IQCJ: variants seen among roughly 807,000 people sequenced by gnomAD.
IQCJ encodes the protein IQ motif containing J.
Under a neutral mutation model 11.0 loss-of-function variants are expected in IQCJ, and 9 were observed. That is an observed-to-expected ratio of 0.82 (90% CI 0.49 to 1.43). The LOEUF (loss-of-function observed/expected upper bound fraction) is 1.43. Among genes scored for constraint, IQCJ ranks in the 40% most tolerant of loss-of-function variants. The probability of loss-of-function intolerance (pLI) is 0.00; values close to 1 mark genes in which losing one functional copy is unlikely to be tolerated. For synonymous variants in IQCJ, 55 were observed against 51.3 expected (o/e 1.07, Z -0.31); for missense variants, 146 against 133.2 (o/e 1.10, Z -0.47).
At position 159,146,339 on chromosome 3, in the gene IQCJ, G is replaced by A. The variant is rs150001365; in HGVS notation, c.9+76898G>A. The stretch of plus-strand genomic sequence containing the variant: ...TCCAAGTAAAAAAAAAGGAGGCAGT[G>A]TAAATACAACAGAATGGAAACCAAG... On this transcript the variant is annotated intron_variant, in intron 1 of 3. Coordinates refer to ENST00000397832, the MANE Select transcript of IQCJ (RefSeq NM_001042706.3). Among the ~76,000 whole-genome samples the A allele has an allele frequency of 5.4e-4, 82 of 152,280 alleles. No individual in the cohort carries two copies. In the East Asian group the frequency reaches 0.016, roughly 29 times the overall value.
intron 1 of IQCJ, among the ~76,000 whole-genome samples, chr3:159,103,940 G>A (rs190068399): frequency 6.6e-6 from 1 of 152,358 alleles, no homozygotes; most frequent in East Asian, 1.9e-4. Flanking sequence ...ACACCTATGT[G>A]GATTTCTTTG....
chr3:159,119,387 G>A (rs555713712), intron 1 of IQCJ, among the ~76,000 whole-genome samples: 16 of 152,200 alleles, frequency 1.1e-4, no homozygotes, highest in African/African-American at 3.4e-4. Flanking sequence ...CTGAACATGC[G>A]GCAGACTACC....
downstream of IQCJ, chr3:159,265,258 G>A: frequency 1.2e-6 from 2 of 1,613,802 alleles, no homozygotes; most frequent in East Asian, 4.5e-5. Context: ...TACATCTCTT[G>A]GAGGTTGCAG....
chr3:159,080,379 A>G (rs542998425), intron 1 of IQCJ, among the ~76,000 whole-genome samples: 5 of 152,138 alleles, frequency 3.3e-5, no homozygotes, highest in African/African-American at 7.2e-5. Context: ...CATCACATCA[A>G]TTTTCTCTAT....
chr3:159,090,513 G>A (rs1483734013), intron 1 of IQCJ, among the ~76,000 whole-genome samples: 1 of 151,800 alleles, frequency 6.6e-6, no homozygotes, highest in Non-Finnish European at 1.5e-5. Context: ...TGGTGGGTGG[G>A]GCTGGTCCAG....
At chr3:159,199,574 A>G (rs1237978281) in intron 1 of IQCJ, among the ~76,000 whole-genome samples, 1 of 152,206 alleles carries the variant, frequency 6.6e-6, no homozygotes, top group East Asian at 1.9e-4. Flanking sequence ...ATAGGAAAAA[A>G]TACAGTTAAA....
chr3:159,201,656 A>T (rs1229748132), intron 1 of IQCJ, among the ~76,000 whole-genome samples: 5 of 64,434 alleles, frequency 7.8e-5, no homozygotes, highest in Non-Finnish European at 1.0e-4. Context: ...TTTTTTTGAG[A>T]CGGAGTCTCG....
chr3:159,110,671 C>T (rs548622558), intron 1 of IQCJ, among the ~76,000 whole-genome samples: 2 of 152,266 alleles, frequency 1.3e-5, no homozygotes, highest in South Asian at 4.2e-4. Flanking sequence ...ACTGTATCCC[C>T]AGCACCCAGC....
At chr3:159,174,012 T>G (rs1450705133) in intron 1 of IQCJ, among the ~76,000 whole-genome samples, 1 of 152,176 alleles carries the variant, frequency 6.6e-6, no homozygotes, top group Non-Finnish European at 1.5e-5. Flanking sequence ...CTCCATGATC[T>G]GAGAGTTTCT....
intron 1 of IQCJ, among the ~76,000 whole-genome samples, chr3:159,203,023 C>T (rs1172098741): frequency 6.6e-6 from 1 of 151,852 alleles, no homozygotes; most frequent in Non-Finnish European, 1.5e-5. Flanking sequence ...TTTCTAACTG[C>T]TTTTTGACCC....
intron 1 of IQCJ, among the ~76,000 whole-genome samples, chr3:159,071,311 T>C (rs1715545167): frequency 6.6e-6 from 1 of 152,004 alleles, no homozygotes; most frequent in Non-Finnish European, 1.5e-5. Flanking sequence ...AATGTTATAC[T>C]CATATATTGT....
At chr3:159,188,136 C>T (rs561150711) in intron 1 of IQCJ, among the ~76,000 whole-genome samples, 6 of 152,272 alleles carry the variant, frequency 3.9e-5, no homozygotes, top group South Asian at 4.1e-4. Context: ...TTTGGCCGGG[C>T]GCTGTGGCTC....
intron 1 of IQCJ, among the ~76,000 whole-genome samples, chr3:159,154,288 C>G (rs969812433): frequency 6.6e-6 from 1 of 152,200 alleles, no homozygotes; most frequent in East Asian, 1.9e-4. Flanking sequence ...ACTGTGGCAC[C>G]GTAGGCATGG....
At position 159,106,229 on chromosome 3, in the gene IQCJ, A is replaced by G. The variant is rs55921913; in HGVS notation, c.9+36788A>G. 7.9e-3 allele frequency among the ~76,000 whole-genome samples: 1,210 copies of G among 152,302 alleles called. 7 individuals carry two copies. The highest frequency in any genetic ancestry group is 0.013 in the Non-Finnish European group (915 of 68,016). ...GAAGGCTGGGAGCTCTGTTTTGGAC[A>G]TGCTTGGTTTGAGATATCTGCTAGA... On this transcript the variant is annotated intron_variant, in intron 1 of 3. Coordinates refer to ENST00000397832, the MANE Select transcript of IQCJ (RefSeq NM_001042706.3).
At chr3:159,072,989 A>C (rs1015995763) in intron 1 of IQCJ, among the ~76,000 whole-genome samples, 9 of 152,166 alleles carry the variant, frequency 5.9e-5, no homozygotes, top group African/African-American at 2.2e-4. Flanking sequence ...AGACAGAATT[A>C]GTAGTGCAAG....
chr3:159,090,548 A>T (rs567790000), intron 1 of IQCJ, among the ~76,000 whole-genome samples: 1 of 151,778 alleles, frequency 6.6e-6, no homozygotes, highest in Non-Finnish European at 1.5e-5. Context: ...TCAGTGGACC[A>T]TGGGAGGGAA....
At chr3:159,230,921 A>G (rs1341757872) in intron 1 of IQCJ, among the ~76,000 whole-genome samples, 3 of 152,132 alleles carry the variant, frequency 2.0e-5, no homozygotes, top group Non-Finnish European at 2.9e-5. Context: ...TCAAACCTAA[A>G]TGTTATTTGA....
intron 1 of IQCJ, among the ~76,000 whole-genome samples, chr3:159,178,043 T>C (rs539251231): frequency 6.6e-6 from 1 of 152,336 alleles, no homozygotes; most frequent in South Asian, 2.1e-4. Context: ...TATAACTCGC[T>C]CTTCTCTGAA....
intron 1 of IQCJ, among the ~76,000 whole-genome samples, chr3:159,141,299 G>A (rs1012656192): frequency 1.7e-4 from 26 of 152,182 alleles, no homozygotes; most frequent in Non-Finnish European, 5.9e-5. Flanking sequence ...GAGGCTGGGG[G>A]GCATTAAATG....
Sources: allele counts gnomAD v4.1 joint callset (sites outside exome capture counted in the v4.1 genomes callset), GRCh38; gene constraint gnomAD v4.1.1; transcripts MANE v1.5; gene names NCBI Gene and HGNC (gene_info 2026-07-23, HGNC 2026-07-21).